Variants in IGSF21 observed in about 807,000 individuals in gnomAD.
IGSF21 encodes the protein immunoglobulin superfamily member 21.
A neutral mutation model predicts 46.8 loss-of-function variants in IGSF21; 28 were observed. That is an observed-to-expected ratio of 0.60 (90% confidence interval 0.44 to 0.82). The LOEUF is 0.82. Among genes scored for constraint, IGSF21 ranks in the 40% least tolerant of loss-of-function variants. The probability of loss-of-function intolerance (pLI) is 0.00; values close to 1 mark genes in which losing one functional copy is unlikely to be tolerated. For missense variants in IGSF21, 624 were observed against 665.5 expected (o/e 0.94, Z 0.69); for synonymous variants, 284 against 273.6 (o/e 1.04, Z -0.38).
intron 1 of IGSF21, among the ~76,000 whole-genome samples, chr1:18,209,641 T>TTTC (rs1265910092): frequency 6.8e-6 from 1 of 146,438 alleles, no homozygotes; most frequent in African/African-American, 2.5e-5. Context: ...TTTTTTTTTT[T>TTTC]AGTAGAGACA....
intron 6 of IGSF21, among the ~76,000 whole-genome samples, chr1:18,367,921 G>C (rs1225965076): frequency 1.3e-5 from 2 of 151,904 alleles, no homozygotes; most frequent in African/African-American, 4.8e-5. Flanking sequence ...GATTTTCACA[G>C]GCCACCTGCC....
At chr1:18,186,220 C>T (rs1474201540) in intron 1 of IGSF21, among the ~76,000 whole-genome samples, 2 of 152,088 alleles carry the variant, frequency 1.3e-5, no homozygotes, top group East Asian at 3.9e-4. Flanking sequence ...TTGGGGAGGG[C>T]AAAGCTCTTA....
At chr1:18,137,142 A>G (rs1341380697) in intron 1 of IGSF21, among the ~76,000 whole-genome samples, 1 of 152,138 alleles carries the variant, frequency 6.6e-6, no homozygotes, top group African/African-American at 2.4e-5. Context: ...ATCATGGTGG[A>G]AAGTGAAGGG....
intron 1 of IGSF21, among the ~76,000 whole-genome samples, chr1:18,163,196 G>A (rs2086644119): frequency 6.6e-6 from 1 of 151,998 alleles, no homozygotes; most frequent in South Asian, 2.1e-4. Flanking sequence ...AACTATAAAG[G>A]GAGAATCATG....
At chr1:18,350,874 A>G (rs2085945289) in intron 4 of IGSF21, among the ~76,000 whole-genome samples, 1 of 152,190 alleles carries the variant, frequency 6.6e-6, no homozygotes, top group Admixed American at 6.5e-5. Context: ...GCTCTGAGCC[A>G]GGCCAGGAGT....
chr1:18,135,918 C>T (rs1410614001), intron 1 of IGSF21, among the ~76,000 whole-genome samples: 5 of 152,170 alleles, frequency 3.3e-5, no homozygotes, highest in African/African-American at 1.2e-4. Flanking sequence ...TCCTCTCCAG[C>T]ACCTGTTGTT....
At chr1:18,241,985 C>G (rs1296340900) in intron 2 of IGSF21, among the ~76,000 whole-genome samples, 2 of 152,204 alleles carry the variant, frequency 1.3e-5, no homozygotes, top group Admixed American at 6.5e-5. Context: ...GTGGCCTCCT[C>G]CGTGGGGGAG....
chr1:18,292,213 C>G (rs1007850163), intron 3 of IGSF21, among the ~76,000 whole-genome samples: 1 of 152,224 alleles, frequency 6.6e-6, no homozygotes, highest in Admixed American at 6.5e-5. Context: ...TGACTGGCCT[C>G]CTCTGCCAGC....
intron 1 of IGSF21, among the ~76,000 whole-genome samples, chr1:18,215,632 T>A (rs927418936): frequency 8.5e-5 from 13 of 152,198 alleles, no homozygotes; most frequent in African/African-American, 3.1e-4. Context: ...AGTGGCCCGA[T>A]GCAGCCTGAC....
At chr1:18,301,499 C>A (rs1298869760) in intron 3 of IGSF21, among the ~76,000 whole-genome samples, 1 of 152,190 alleles carries the variant, frequency 6.6e-6, no homozygotes, top group Non-Finnish European at 1.5e-5. Context: ...ACCACCACAC[C>A]TGGCCAATTT....
chr1:18,335,866 C>T lies in IGSF21; in HGVS notation c.424+856C>T, dbSNP rs892969584. On this transcript the variant is annotated intron_variant, in intron 4 of 9. Coordinates refer to ENST00000251296, the MANE Select transcript of IGSF21 (RefSeq NM_032880.5). This position sits in a 1 kb window ranked among gnomAD's most constrained non-coding sequence, Gnocchi z 4.8. Reference sequence around the variant, plus strand: ...GGGACATTGATTCCTGCAGCACACCCGTGGTGGTTCTGGCTTCCCGATGGA... The same window carrying T: ...GGGACATTGATTCCTGCAGCACACCTGTGGTGGTTCTGGCTTCCCGATGGA... Among the ~76,000 whole-genome samples, 13 of 152,216 alleles carry T rather than the reference C, an allele frequency of 8.5e-5. No homozygotes were observed. The highest frequency in any genetic ancestry group is 5.8e-4 in the East Asian group (3 of 5,190).
At chr1:18,197,060 A>G (rs1181613271) in intron 1 of IGSF21, among the ~76,000 whole-genome samples, 1 of 152,248 alleles carries the variant, frequency 6.6e-6, no homozygotes, top group African/African-American at 2.4e-5. Flanking sequence ...CTTTGTGTCA[A>G]ATGCTGAAAA....
At chr1:18,348,332 ACCAACT>A (rs1283341307) in intron 4 of IGSF21, among the ~76,000 whole-genome samples, 1 of 152,134 alleles carries the variant, frequency 6.6e-6, no homozygotes, top group African/African-American at 2.4e-5. Flanking sequence ...TGGGGCCCTC[ACCAACT>A]CCCTGGACCT....
At chr1:18,343,379 C>T (rs2085862207) in intron 4 of IGSF21, among the ~76,000 whole-genome samples, 1 of 152,116 alleles carries the variant, frequency 6.6e-6, no homozygotes, top group Non-Finnish European at 1.5e-5. Flanking sequence ...GCATATTTTT[C>T]TCCCATTGTG....
intron 3 of IGSF21, among the ~76,000 whole-genome samples, chr1:18,318,749 C>T (rs181620314): frequency 1.0e-3 from 153 of 152,284 alleles, no homozygotes; most frequent in Non-Finnish European, 1.8e-3. Context: ...CCTGTCAACA[C>T]GCTCTATTTG....
rs1051426389 is a variant in IGSF21 at position 18,138,849 on chromosome 1, T to C, written c.70+30651T>C. Among the ~76,000 whole-genome samples the C allele has an allele frequency of 1.2e-4, 19 of 152,330 alleles. 1 individual carries two copies. Among genetic ancestry groups the C allele is most frequent in the African/African-American group, 4.6e-4 (19 of 41,568 alleles). ...TTCCCTGAATTAGCTAAATGTCTTG[T>C]CAATGGACATTATTGTCCTCTTTTT... On this transcript the variant is annotated intron_variant, in intron 1 of 9. Transcript: ENST00000251296.
At chr1:18,179,533 T>A (rs1382795850) in intron 1 of IGSF21, among the ~76,000 whole-genome samples, 1 of 152,258 alleles carries the variant, frequency 6.6e-6, no homozygotes, top group East Asian at 1.9e-4. Context: ...ATATTCATTA[T>A]TATTTTATTC....
At chr1:18,267,763 T>A (rs1175854517) in intron 2 of IGSF21, among the ~76,000 whole-genome samples, 1 of 152,210 alleles carries the variant, frequency 6.6e-6, no homozygotes, top group African/African-American at 2.4e-5. Flanking sequence ...GCAGCCTGTG[T>A]CTTCTAGAAC....
At chr1:18,301,561 G>A (rs1481405852) in intron 3 of IGSF21, among the ~76,000 whole-genome samples, 3 of 152,124 alleles carry the variant, frequency 2.0e-5, no homozygotes, top group African/African-American at 4.8e-5. Flanking sequence ...AGCTGATCTC[G>A]AACTCCTGAC....
Sources: allele counts gnomAD v4.1 joint callset (sites outside exome capture counted in the v4.1 genomes callset), GRCh38; gene constraint gnomAD v4.1.1; non-coding constraint Gnocchi (gnomAD v3.1); transcripts MANE v1.5; gene names NCBI Gene and HGNC (gene_info 2026-07-23, HGNC 2026-07-21).